The following NDFIP1 variants were observed in gnomAD, a reference collection of about 807,000 sequenced individuals.
NDFIP1 encodes Nedd4 family interacting protein 1.
In NDFIP1, 7 loss-of-function variants were observed where a neutral mutation model predicts 28.8. The observed-to-expected ratio is 0.24, with a 90% CI of 0.14 to 0.46. NDFIP1 has a LOEUF of 0.46. NDFIP1 is among the 20% of genes least tolerant of loss of function. The probability of loss-of-function intolerance (pLI) is 0.99; values close to 1 mark genes in which losing one functional copy is unlikely to be tolerated. For missense variants in NDFIP1, 194 were observed against 269.1 expected (o/e 0.72, Z 1.95); for synonymous variants, 92 against 101.0 (o/e 0.91, Z 0.53).
At chr5:142,117,365 T>G (rs1757079441) in intron 1 of NDFIP1, among the ~76,000 whole-genome samples, 1 of 151,672 alleles carries the variant, frequency 6.6e-6, no homozygotes, top group Non-Finnish European at 1.5e-5. Flanking sequence ...TGCCTCAGTC[T>G]CCTGAGTAGC....
intron 1 of NDFIP1, among the ~76,000 whole-genome samples, chr5:142,129,411 G>A (rs540624739): frequency 2.0e-5 from 3 of 152,246 alleles, no homozygotes; most frequent in African/African-American, 7.2e-5. Context: ...TGTTTAAAAG[G>A]AAAAATTATC....
At chr5:142,121,110 A>G (rs1436041698) in intron 1 of NDFIP1, among the ~76,000 whole-genome samples, 3 of 152,336 alleles carry the variant, frequency 2.0e-5, no homozygotes, top group Non-Finnish European at 4.4e-5. Context: ...TGTCTTTTCA[A>G]TGTGGAATAT....
rs146003385 is a variant in NDFIP1 at position 142,132,182 on chromosome 5, C to CA, written c.152-24dup. ...CTTTTATTTCAATTCAGCTAATCAT[C>CA]AAAAAATTGTGACTGTTAAAATTCT... is the stretch of plus-strand genomic sequence containing the variant. On this transcript the variant is annotated intron_variant, in intron 2 of 7. Transcript: ENST00000253814. The CA allele has an allele frequency of 6.6e-4, 1,057 of 1,602,616 alleles. 11 individuals are homozygous for CA. The African/African-American group carries it at 0.013, about 20-fold the overall frequency.
intron 2 of NDFIP1, 127 bp downstream of exon 2, chr5:142,132,022 A>G: frequency 1.8e-6 from 2 of 1,106,544 alleles, no homozygotes; most frequent in Non-Finnish European, 2.6e-6. Flanking sequence ...TGGATTTTAA[A>G]TAATTGAGAA....
At chr5:142,136,936 C>T (rs980557039) in intron 4 of NDFIP1, among the ~76,000 whole-genome samples, 2 of 148,966 alleles carry the variant, frequency 1.3e-5, no homozygotes, top group South Asian at 2.1e-4. Flanking sequence ...CCGGGCCTGG[C>T]GGTGCACGCC....
At chr5:142,129,275 G>A (rs185326058) in intron 1 of NDFIP1, among the ~76,000 whole-genome samples, 109 of 152,298 alleles carry the variant, frequency 7.2e-4, no homozygotes, top group Admixed American at 1.4e-3. Flanking sequence ...CTTGCCAAGA[G>A]CTTCAAATAA....
In NDFIP1 at chr5:142,153,742, G is replaced by A. The variant is rs1298979372; in HGVS notation, c.*2014G>A. The A allele has an allele frequency of 2.9e-5, 5 of 170,494 alleles. No homozygotes were observed. Among genetic ancestry groups the A allele is most frequent in the Non-Finnish European group, 2.6e-5 (2 of 78,238 alleles). The allele number at this position is 170,494 out of a possible 1,614,324, so 10.6% of individuals were successfully genotyped here. A position where few individuals can be genotyped will look rare whatever the true frequency, so the allele number is the denominator to read the frequency against. ...TAGATGTGGACACATATAGCAGAGA[G>A]AACTATGTAAATTATCTTGCAGAAC... On this transcript the variant is annotated 3_prime_UTR_variant, in exon 8 of 8. Coordinates refer to ENST00000253814, the MANE Select transcript of NDFIP1 (RefSeq NM_030571.4).
intron 1 of NDFIP1, among the ~76,000 whole-genome samples, chr5:142,112,361 G>T (rs1047166435): frequency 1.3e-5 from 2 of 151,454 alleles, no homozygotes; most frequent in Non-Finnish European, 2.9e-5. Context: ...CTCCTGCCTG[G>T]CGACAGAGCA....
At chr5:142,149,455 T>A (rs951128953) in intron 7 of NDFIP1, among the ~76,000 whole-genome samples, 1 of 149,974 alleles carries the variant, frequency 6.7e-6, no homozygotes, top group Non-Finnish European at 1.5e-5. Context: ...TTTTTTTTTT[T>A]ACAAAGTGAT....
At chr5:142,135,846 C>T (rs751629318) in intron 4 of NDFIP1, 29 bp downstream of exon 4, 2 of 1,506,092 alleles carry the variant, frequency 1.3e-6, no homozygotes, top group South Asian at 1.1e-5. Flanking sequence ...CAGAACCACC[C>T]CCTACAAACT....
intron 1 of NDFIP1, among the ~76,000 whole-genome samples, chr5:142,120,935 T>TC (rs1324793670): frequency 6.6e-6 from 1 of 152,218 alleles, no homozygotes; most frequent in Non-Finnish European, 1.5e-5. Flanking sequence ...GAATACCTTT[T>TC]CCCACCCATA....
At chr5:142,131,673 A>G (rs1314837281) in intron 1 of NDFIP1, 135 bp from the exon 2 acceptor site, 3 of 594,466 alleles carry the variant, frequency 5.0e-6, no homozygotes, top group Non-Finnish European at 8.4e-6. Flanking sequence ...ACTTTTCTTA[A>G]AGGATTTGTG....
intron 1 of NDFIP1, among the ~76,000 whole-genome samples, chr5:142,118,930 A>G (rs1757095955): frequency 6.6e-6 from 1 of 151,988 alleles, no homozygotes; most frequent in Admixed American, 6.6e-5. Context: ...GCACTATCCT[A>G]GAATCAGGCA....
At chr5:142,134,890 G>GC (rs1157956203) in intron 3 of NDFIP1, among the ~76,000 whole-genome samples, 9 of 152,152 alleles carry the variant, frequency 5.9e-5, no homozygotes. Context: ...ATGGAGTTGA[G>GC]CAGTGGGCAG....
chr5:142,127,248 T>C (rs1757179005), intron 1 of NDFIP1, among the ~76,000 whole-genome samples: 1 of 152,198 alleles, frequency 6.6e-6, no homozygotes, highest in African/African-American at 2.4e-5. Flanking sequence ...ACTCCTGACC[T>C]CAAGTGATCC....
intron 5 of NDFIP1, among the ~76,000 whole-genome samples, chr5:142,138,894 T>TC (rs397712907): frequency 2.6e-5 from 4 of 151,252 alleles, no homozygotes; most frequent in Non-Finnish European, 5.9e-5. Flanking sequence ...TTTTTTTTTT[T>TC]CAAACTAAAT....
chr5:142,130,269 AGACT>A (rs1238141014), intron 1 of NDFIP1, among the ~76,000 whole-genome samples: 14 of 152,242 alleles, frequency 9.2e-5, no homozygotes, highest in Admixed American at 1.3e-4. Context: ...TGACTTGTGT[AGACT>A]ATACAGACTA....
Position 142,140,571 on chromosome 5 carries a change from C to T in NDFIP1, c.504C>T (p.Thr168=), listed in dbSNP as rs1757317347. 2 of 1,610,054 alleles carry T rather than the reference C, an allele frequency of 1.2e-6. No homozygotes were observed. Among genetic ancestry groups the T allele is most frequent in the Admixed American group, 1.7e-5 (1 of 59,584 alleles). The change falls in exon 6 of 8, where the codon ACC becomes ACT. Residue 168 remains threonine, a synonymous_variant. Transcript: ENST00000253814. ...IKWILIVRFS[T]YFPGYFDGQY... ...TTTGCCTTATTTTTTAGTTTTCCAC[C>T]TATTTCCCTGGATATTTTGATGGTC...
intron 1 of NDFIP1, among the ~76,000 whole-genome samples, chr5:142,115,419 G>C (rs956549368): frequency 6.6e-6 from 1 of 152,056 alleles, no homozygotes; most frequent in African/African-American, 2.4e-5. Context: ...GAGTAGCTGG[G>C]ATTACAGGTG....
Sources: allele counts gnomAD v4.1 joint callset (sites outside exome capture counted in the v4.1 genomes callset), GRCh38; gene constraint gnomAD v4.1.1; transcripts MANE v1.5; gene names NCBI Gene and HGNC (gene_info 2026-07-23, HGNC 2026-07-21).